Variants in NKAIN3 observed in about 807,000 individuals in gnomAD.
The protein encoded by NKAIN3 is sodium/potassium transporting ATPase interacting 3.
A neutral mutation model predicts 30.2 loss-of-function variants in NKAIN3; 25 were observed. The ratio of observed to expected loss-of-function variants is 0.83; its 90% CI spans 0.60 to 1.16. The LOEUF (loss-of-function observed/expected upper bound fraction) is 1.16. Ranked by LOEUF, NKAIN3 falls within the 50% of genes most tolerant of loss-of-function variation. NKAIN3 has a pLI of 0.00. For missense variants in NKAIN3, 225 were observed against 254.1 expected (o/e 0.89, Z 0.78); for synonymous variants, 91 against 89.6 (o/e 1.02, Z -0.09).
At chr8:62,494,199 A>G (rs1028334955) in intron 1 of NKAIN3, among the ~76,000 whole-genome samples, 1 of 152,144 alleles carries the variant, frequency 6.6e-6, no homozygotes, top group Admixed American at 6.6e-5. Context: ...TGTTCCTTCA[A>G]TAACTCGTTT....
At chr8:62,251,592 A>C (rs1812105124) in intron 1 of NKAIN3, among the ~76,000 whole-genome samples, 1 of 152,220 alleles carries the variant, frequency 6.6e-6, no homozygotes, top group Non-Finnish European at 1.5e-5. Context: ...GCTGAATTGG[A>C]TAATAGTTTT....
chr8:62,939,700 A>T (rs1208189469), intron 5 of NKAIN3, among the ~76,000 whole-genome samples: 1 of 152,182 alleles, frequency 6.6e-6, no homozygotes, highest in African/African-American at 2.4e-5. Context: ...AGACAAAAAA[A>T]TGCTGAGAGA....
At chr8:62,807,245 A>G (rs1818325531) in intron 4 of NKAIN3, among the ~76,000 whole-genome samples, 1 of 152,184 alleles carries the variant, frequency 6.6e-6, no homozygotes, top group African/African-American at 2.4e-5. Context: ...TTTTTGTTTC[A>G]GGTATGTTTT....
intron 3 of NKAIN3, among the ~76,000 whole-genome samples, chr8:62,737,107 C>CT (rs1263254232): frequency 1.3e-5 from 2 of 152,304 alleles, no homozygotes; most frequent in Middle Eastern, 3.4e-3. Context: ...ATTCTCTTGG[C>CT]TTTTTGTTGT....
chr8:62,940,090 A>G (rs1467348733), intron 5 of NKAIN3, among the ~76,000 whole-genome samples: 1 of 152,112 alleles, frequency 6.6e-6, no homozygotes, highest in African/African-American at 2.4e-5. Context: ...ATGGACACCA[A>G]AAGAGAGCTG....
intron 1 of NKAIN3, among the ~76,000 whole-genome samples, chr8:62,402,766 G>T (rs556986039): frequency 9.9e-5 from 15 of 152,074 alleles, no homozygotes; most frequent in Non-Finnish European, 1.8e-4. Context: ...CCTTATAGCC[G>T]CGTGGGAACA....
intron 1 of NKAIN3, 34 bp downstream of exon 1, chr8:62,249,161 G>C (rs935550678): frequency 5.3e-6 from 8 of 1,510,254 alleles, no homozygotes; most frequent in Non-Finnish European, 7.1e-6. Flanking sequence ...CCCAGGACAG[G>C]TCCCTGCTCC....
chr8:62,965,639 A>G lies in NKAIN3; in HGVS notation c.*232A>G. 2 of 969,148 alleles carry G rather than the reference A, an allele frequency of 2.1e-6. No homozygotes were observed. Among genetic ancestry groups the G allele is most frequent in the Non-Finnish European group, 2.5e-6 (2 of 815,306 alleles). The allele number at this position is 969,148 out of a possible 1,614,324, so 60.0% of individuals were successfully genotyped here. A position where few individuals can be genotyped will look rare whatever the true frequency, so the allele number is the denominator to read the frequency against. ...AAGTTGTAAAAAAAAAAAAAAAAGA[A>G]AAAACAGAATTTGGTTTTAAATTTT... is the stretch of plus-strand genomic sequence containing the variant. On this transcript the variant is annotated 3_prime_UTR_variant, in exon 7 of 7. Coordinates refer to ENST00000623646, the MANE Select transcript of NKAIN3 (RefSeq NM_001304533.3).
At position 62,359,828 on chromosome 8, in the gene NKAIN3, A is replaced by T. The variant is rs77767914; in HGVS notation, c.54+110701A>T. Reference sequence around the variant, plus strand: ...TGTCTTAAGGGAGGCAATGGGAAACATAGTATGTCTTTATTCTATTTCTTG... The same window carrying T: ...TGTCTTAAGGGAGGCAATGGGAAACTTAGTATGTCTTTATTCTATTTCTTG... On this transcript the variant is annotated intron_variant, in intron 1 of 6. Coordinates refer to ENST00000623646, the MANE Select transcript of NKAIN3 (RefSeq NM_001304533.3). Among the ~76,000 whole-genome samples the T allele has an allele frequency of 2.2e-3, 336 of 152,336 alleles. 11 individuals are homozygous for T. The East Asian group carries it at 0.059, about 27-fold the overall frequency.
At chr8:62,767,867 T>C (rs1365802626) in intron 4 of NKAIN3, among the ~76,000 whole-genome samples, 2 of 152,044 alleles carry the variant, frequency 1.3e-5, no homozygotes, top group African/African-American at 2.4e-5. Flanking sequence ...AAAAAGAAGA[T>C]AAAATATCAT....
chr8:62,558,175 C>A (rs1314496637), intron 1 of NKAIN3, among the ~76,000 whole-genome samples: 1 of 152,108 alleles, frequency 6.6e-6, no homozygotes, highest in Non-Finnish European at 1.5e-5. Context: ...GTCCTTTCCC[C>A]ACTTTATGCT....
chr8:62,818,993 A>G (rs1016844197), intron 4 of NKAIN3, among the ~76,000 whole-genome samples: 1 of 151,882 alleles, frequency 6.6e-6, no homozygotes, highest in Admixed American at 6.6e-5. Context: ...ACAACTGCAA[A>G]AAGACATTCA....
At position 62,971,546 on chromosome 8, in the gene NKAIN3, T is replaced by C. The variant is rs890594926; in HGVS notation, c.*6139T>C. Among the ~76,000 whole-genome samples, 9 of 151,812 alleles carry C rather than the reference T, an allele frequency of 5.9e-5. No individual in the cohort carries two copies. Among genetic ancestry groups the C allele is most frequent in the African/African-American group, 2.2e-4 (9 of 41,296 alleles). ...TACTTGGGAGGTTGAAGTAGGAGGGTTGTTTGAACCTGGGAGACGGAGGTT... is the reference window on the plus strand; with the variant it reads ...TACTTGGGAGGTTGAAGTAGGAGGGCTGTTTGAACCTGGGAGACGGAGGTT... On this transcript the variant is annotated 3_prime_UTR_variant, in exon 7 of 7. Coordinates refer to ENST00000623646, the MANE Select transcript of NKAIN3 (RefSeq NM_001304533.3).
chr8:62,614,951 C>T (rs1811405178), intron 3 of NKAIN3, among the ~76,000 whole-genome samples: 1 of 152,194 alleles, frequency 6.6e-6, no homozygotes, highest in South Asian at 2.1e-4. Context: ...GAGTCAATTC[C>T]TGGAATCAGG....
intron 3 of NKAIN3, among the ~76,000 whole-genome samples, chr8:62,652,200 G>T (rs1175964238): frequency 6.6e-6 from 1 of 152,152 alleles, no homozygotes. Flanking sequence ...TCAATTTTGA[G>T]AGGGCTTAAA....
chr8:62,498,036 A>G (rs1807299089), intron 1 of NKAIN3, among the ~76,000 whole-genome samples: 1 of 152,156 alleles, frequency 6.6e-6, no homozygotes. Flanking sequence ...ATGTGTTTAC[A>G]AATGTACATT....
intron 4 of NKAIN3, among the ~76,000 whole-genome samples, chr8:62,888,502 G>A (rs1423366960): frequency 6.6e-6 from 1 of 152,174 alleles, no homozygotes; most frequent in Non-Finnish European, 1.5e-5. Flanking sequence ...GTTCCATTAA[G>A]TTGTGATTCT....
At chr8:62,865,670 G>A (rs948455315) in intron 4 of NKAIN3, among the ~76,000 whole-genome samples, 5 of 152,052 alleles carry the variant, frequency 3.3e-5, no homozygotes, top group African/African-American at 1.2e-4. Flanking sequence ...ATAAATTTTA[G>A]CTGAGTACTA....
intron 1 of NKAIN3, among the ~76,000 whole-genome samples, chr8:62,387,002 G>T (rs1207221786): frequency 6.6e-6 from 1 of 151,956 alleles, no homozygotes; most frequent in African/African-American, 2.4e-5. Flanking sequence ...AAAGAATTGG[G>T]ATAAACATGA....
Sources: allele counts gnomAD v4.1 joint callset (sites outside exome capture counted in the v4.1 genomes callset), GRCh38; gene constraint gnomAD v4.1.1; transcripts MANE v1.5; gene names NCBI Gene and HGNC (gene_info 2026-07-23, HGNC 2026-07-21).